Variants in GNA12 observed in about 807,000 individuals in gnomAD.
The protein encoded by GNA12 is G protein subunit alpha 12.
In GNA12, 9 loss-of-function variants were observed where a neutral mutation model predicts 26.0. The observed-to-expected ratio is 0.35, with a 90% CI of 0.21 to 0.60. The LOEUF is 0.60. Among genes scored for constraint, GNA12 ranks in the 20% least tolerant of loss-of-function variants. The pLI, the probability that GNA12 is intolerant of heterozygous loss-of-function variation, is 0.78. For missense variants in GNA12, 405 were observed against 525.8 expected (o/e 0.77, Z 2.25); for synonymous variants, 264 against 219.6 (o/e 1.20, Z -1.79).
intron 2 of GNA12, among the ~76,000 whole-genome samples, chr7:2,745,494 T>A (rs11976243): frequency 0.015 from 2,331 of 152,286 alleles, 53 homozygotes; most frequent in African/African-American, 0.052. Context: ...CCACCAGGCC[T>A]GCCCTAAAAG....
intron 2 of GNA12, among the ~76,000 whole-genome samples, chr7:2,781,412 C>CTGTGTG (rs58348546): frequency 0.24 from 34,986 of 143,452 alleles, 4,680 homozygotes; most frequent in East Asian, 0.57. Context: ...AAGTAAGTGT[C>CTGTGTG]TGTGTGTGTG....
At chr7:2,732,567 G>C (rs1319823719) in intron 3 of GNA12, among the ~76,000 whole-genome samples, 2 of 151,986 alleles carry the variant, frequency 1.3e-5, no homozygotes, top group Non-Finnish European at 2.9e-5. Flanking sequence ...AAACAAAACA[G>C]AACAAAAAAC....
intron 2 of GNA12, among the ~76,000 whole-genome samples, chr7:2,791,146 A>G (rs1004297906): frequency 2.0e-5 from 3 of 152,244 alleles, no homozygotes; most frequent in African/African-American, 7.2e-5. Context: ...AAGAGGACAG[A>G]CAAGAAGATA....
intron 1 of GNA12, among the ~76,000 whole-genome samples, chr7:2,840,696 A>G (rs528164621): frequency 6.6e-6 from 1 of 152,076 alleles, no homozygotes; most frequent in African/African-American, 2.4e-5. Context: ...CCATCTCTAC[A>G]AAAATGAGCT....
At chr7:2,754,925 T>G (rs902390588) in intron 2 of GNA12, among the ~76,000 whole-genome samples, 10 of 152,234 alleles carry the variant, frequency 6.6e-5, no homozygotes, top group Non-Finnish European at 1.0e-4. Context: ...GTTCTGCGCT[T>G]TACACTGAAA....
intron 2 of GNA12, among the ~76,000 whole-genome samples, chr7:2,746,623 A>G (rs540044580): frequency 6.6e-6 from 1 of 152,130 alleles, no homozygotes; most frequent in East Asian, 1.9e-4. Context: ...AAAAGCAAGA[A>G]CAAACACATT....
In GNA12 at chr7:2,839,053, C is replaced by T. The variant is rs145526291; in HGVS notation, c.309+4800G>A. Among the ~76,000 whole-genome samples, 202 of 152,300 alleles carry T rather than the reference C, an allele frequency of 1.3e-3. 1 individual carries two copies. Among genetic ancestry groups the T allele is most frequent in the African/African-American group, 4.6e-3 (192 of 41,550 alleles). On this transcript the variant is annotated intron_variant, in intron 1 of 3. Transcript: ENST00000275364. The stretch of plus-strand genomic sequence containing the variant: ...TAGAACATTCCGCCAAACGAGCATA[C>T]GCGTTTATCATGTACTTACGGGATG...
intron 2 of GNA12, among the ~76,000 whole-genome samples, chr7:2,761,007 A>C (rs17132663): frequency 0.033 from 4,984 of 152,312 alleles, 203 homozygotes; most frequent in African/African-American, 0.095. Flanking sequence ...GTTCATGGGT[A>C]GTTTTGGGAC....
intron 1 of GNA12, among the ~76,000 whole-genome samples, chr7:2,823,146 G>A (rs1359149777): frequency 2.0e-5 from 3 of 152,168 alleles, no homozygotes; most frequent in Admixed American, 6.5e-5. Context: ...TCTATGGCAG[G>A]CTTTGTTGGA....
At chr7:2,741,073 TAATC>T (rs923977520) in intron 2 of GNA12, among the ~76,000 whole-genome samples, 3 of 148,208 alleles carry the variant, frequency 2.0e-5, no homozygotes, top group African/African-American at 5.0e-5. Flanking sequence ...AACAAACAAA[TAATC>T]AAACAAAAAA....
chr7:2,816,211 C>G (rs767103429), intron 1 of GNA12, among the ~76,000 whole-genome samples: 3 of 151,498 alleles, frequency 2.0e-5, no homozygotes, highest in Non-Finnish European at 2.9e-5. Flanking sequence ...CCCCCATGGA[C>G]AGCACGCACA....
chr7:2,773,864 CG>C (rs989207703), intron 2 of GNA12, among the ~76,000 whole-genome samples: 13 of 152,162 alleles, frequency 8.5e-5, no homozygotes, highest in Non-Finnish European at 1.2e-4. Context: ...GGCGTCTACC[CG>C]GACGCCCATC....
chr7:2,766,090 T>A (rs1791795130), intron 2 of GNA12, among the ~76,000 whole-genome samples: 1 of 152,226 alleles, frequency 6.6e-6, no homozygotes, highest in Non-Finnish European at 1.5e-5. Context: ...CTTGCAAATG[T>A]GAAACTTTGC....
intron 1 of GNA12, among the ~76,000 whole-genome samples, chr7:2,796,942 G>A (rs1792691326): frequency 6.6e-6 from 1 of 152,158 alleles, no homozygotes; most frequent in African/African-American, 2.4e-5. Context: ...GTTCTTCTGA[G>A]GGGCACACTG....
At chr7:2,744,890 G>A (rs921224127) in intron 2 of GNA12, among the ~76,000 whole-genome samples, 10 of 152,190 alleles carry the variant, frequency 6.6e-5, no homozygotes, top group South Asian at 2.1e-4. Context: ...CTCAGGAGCC[G>A]ATGCGATGAA....
intron 2 of GNA12, among the ~76,000 whole-genome samples, chr7:2,749,390 TGTCA>T (rs1190581268): frequency 2.6e-5 from 4 of 152,054 alleles, no homozygotes; most frequent in African/African-American, 9.7e-5. Context: ...AAACCATCAT[TGTCA>T]GCAAACTATT....
At chr7:2,737,276 T>G (rs1183387378) in intron 2 of GNA12, among the ~76,000 whole-genome samples, 1 of 53,328 alleles carries the variant, frequency 1.9e-5, no homozygotes, top group African/African-American at 6.5e-5. Context: ...TTTGTTTTGT[T>G]TTTTTTTTTT....
At chr7:2,825,876 C>T (rs1793474193) in intron 1 of GNA12, among the ~76,000 whole-genome samples, 1 of 152,058 alleles carries the variant, frequency 6.6e-6, no homozygotes, top group African/African-American at 2.4e-5. Flanking sequence ...ACCCAGGGGA[C>T]AACCAGCACA....
chr7:2,816,004 C>A (rs1001100354), intron 1 of GNA12, among the ~76,000 whole-genome samples: 3 of 152,220 alleles, frequency 2.0e-5, no homozygotes, highest in African/African-American at 7.2e-5. Context: ...GGAACTGACC[C>A]AGCAACTCTG....
Sources: gnomAD v4.1 joint callset for allele counts (sites outside exome capture counted in the v4.1 genomes callset) on GRCh38, gnomAD v4.1.1 for gene constraint, MANE v1.5 for transcripts, NCBI Gene and HGNC (gene_info 2026-07-23, HGNC 2026-07-21) for gene names.